Variants in FANCI observed in about 807,000 individuals in gnomAD.
The protein encoded by FANCI is Fanconi anemia group I protein.
Under a neutral mutation model 176.1 loss-of-function variants are expected in FANCI, and 156 were observed. The ratio of observed to expected loss-of-function variants is 0.89; its 90% CI spans 0.78 to 1.01. FANCI has a LOEUF of 1.01. Ranked by LOEUF, FANCI falls within the 50% of genes least tolerant of loss-of-function variation. FANCI has a pLI of 0.00. For synonymous variants in FANCI, 613 were observed against 541.7 expected, an observed-to-expected ratio of 1.13 and a Z score of -1.83; for missense variants, 1,678 against 1,534.1, an observed-to-expected ratio of 1.09 and a Z score of -1.57.
chr15:89,293,708 A>C (rs1035705442), intron 22 of FANCI, 125 bp from the exon 23 acceptor site: 2 of 983,704 alleles, frequency 2.0e-6, no homozygotes, highest in East Asian at 2.4e-5. Flanking sequence ...ATGAAGTTCT[A>C]TTCATTTATA....
chr15:89,291,529 A>C (rs948615495), intron 19 of FANCI, 84 bp from the exon 20 acceptor site: 4 of 1,089,382 alleles, frequency 3.7e-6, no homozygotes, highest in South Asian at 2.5e-5. Context: ...GGCATTAGAC[A>C]TTAAAGATAC....
chr15:89,246,643 T>A (rs2051986160), intron 1 of FANCI, among the ~76,000 whole-genome samples: 1 of 152,158 alleles, frequency 6.6e-6, no homozygotes, highest in African/African-American at 2.4e-5. Context: ...GGACTACCTA[T>A]ATTTAATCTC....
At chr15:89,307,720 C>A in intron 34 of FANCI, 48 bp downstream of exon 34, 1 of 1,614,040 alleles carries the variant, frequency 6.2e-7, no homozygotes, top group Non-Finnish European at 8.5e-7. Context: ...GAAAGGATTT[C>A]TTACATGCCC....
rs140546710 is a variant in FANCI at position 89,271,132 on chromosome 15, G to C, written c.883-2245G>C. Among the ~76,000 whole-genome samples, 382 of 151,980 alleles carry C rather than the reference G, an allele frequency of 2.5e-3. 1 individual carries two copies. The highest frequency in any genetic ancestry group is 3.2e-3 in the Non-Finnish European group (216 of 67,974). ...TTTACTAGTATCTTTTCTAGGCCTT[G>C]AAAATGTATTCTTTAAACTTTTTGA... is the stretch of plus-strand genomic sequence containing the variant. On this transcript the variant is annotated intron_variant, in intron 10 of 37. Coordinates refer to ENST00000310775, the MANE Select transcript of FANCI (RefSeq NM_001113378.2).
chr15:89,265,830 T>C (rs752616509), intron 9 of FANCI, among the ~76,000 whole-genome samples: 4 of 152,144 alleles, frequency 2.6e-5, no homozygotes, highest in African/African-American at 4.8e-5. Flanking sequence ...CCGGATTTTT[T>C]GTTTTTTAAG....
intron 2 of FANCI, among the ~76,000 whole-genome samples, chr15:89,250,552 A>G (rs4592629): frequency 0.49 from 61,748 of 126,706 alleles, 15,154 homozygotes; most frequent in African/African-American, 0.64. Context: ...TTGTGGAGTG[A>G]GGGGAGGGGG....
In FANCI at chr15:89,246,467, C is replaced by T. The variant is rs1323801470; in HGVS notation, c.-19-1162C>T. Among the ~76,000 whole-genome samples, 5 of 152,132 alleles carry T rather than the reference C, an allele frequency of 3.3e-5. No individual in the cohort carries two copies. In the South Asian group the frequency reaches 1.0e-3, roughly 31 times the overall value. On this transcript the variant is annotated intron_variant, in intron 1 of 37. Transcript: ENST00000310775. The stretch of plus-strand genomic sequence containing the variant: ...ACGAAATAGAATCTAAATTCCTTAA[C>T]CTGTTTACTTCCAGCCTATCTTTCC...
At chr15:89,246,444 G>A (rs776743250) in intron 1 of FANCI, among the ~76,000 whole-genome samples, 4 of 152,258 alleles carry the variant, frequency 2.6e-5, no homozygotes, top group Middle Eastern at 3.4e-3. Context: ...AGTAATTTAC[G>A]AAATAGAATC....
chr15:89,245,593 A>T (rs543064797), intron 1 of FANCI, among the ~76,000 whole-genome samples: 1 of 151,916 alleles, frequency 6.6e-6, no homozygotes, highest in Non-Finnish European at 1.5e-5. Context: ...TGGAAGCAGG[A>T]ATATTTATTT....
At chr15:89,286,955 G>C (rs1035330513) in intron 18 of FANCI, among the ~76,000 whole-genome samples, 1 of 141,402 alleles carries the variant, frequency 7.1e-6, no homozygotes, top group Non-Finnish European at 1.5e-5. Flanking sequence ...TTCTCCATCA[G>C]CATTTGCTGC....
rs766158703 is a variant in FANCI at position 89,261,633 on chromosome 15, A to C, written c.337A>C (p.Ile113Leu). Reference sequence around the variant, plus strand: ...ATTGGTTGAATTAGCCAATGAGTTTATTAGTGCTGTCAGAGAAGGCAGCCT... The same window carrying C: ...ATTGGTTGAATTAGCCAATGAGTTTCTTAGTGCTGTCAGAGAAGGCAGCCT... ...PLLVELANEFISAVREGSLVN... is the reference protein window; with the variant it reads ...PLLVELANEFLSAVREGSLVN... The change falls in exon 5 of 38, where the codon ATT becomes CTT. Residue 113 changes from isoleucine (I) to leucine (L), a missense_variant. Physicochemically the swap from Ile to Leu is conservative, Grantham distance 5. Coordinates refer to ENST00000310775, the MANE Select transcript of FANCI (RefSeq NM_001113378.2). 1 of 1,614,190 alleles carries C rather than the reference A, an allele frequency of 6.2e-7. No individual in the cohort carries two copies. Among genetic ancestry groups the C allele is most frequent in the South Asian group, 1.1e-5 (1 of 91,084 alleles).
At chr15:89,279,163 T>C (rs28648548) in intron 14 of FANCI, among the ~76,000 whole-genome samples, 7,601 of 152,064 alleles carry the variant, frequency 0.05, 602 homozygotes, top group African/African-American at 0.17. Context: ...GTTGTTGTTG[T>C]TGTTGTTGTT....
At chr15:89,250,406 A>C (rs765869696) in intron 2 of FANCI, among the ~76,000 whole-genome samples, 1 of 152,190 alleles carries the variant, frequency 6.6e-6, no homozygotes, top group Non-Finnish European at 1.5e-5. Context: ...GACATGGATG[A>C]AGCTGGAAGC....
chr15:89,287,759 CAG>C (rs2053877148), intron 18 of FANCI, among the ~76,000 whole-genome samples: 1 of 152,108 alleles, frequency 6.6e-6, no homozygotes. Context: ...TGTTTTGTCT[CAG>C]TGAATAGGGA....
Position 89,295,111 on chromosome 15 carries a change from C to T in FANCI, c.2636+17C>T. The stretch of plus-strand genomic sequence containing the variant: ...CATAACTCGGTAAGCCACTCCCACC[C>T]CTTAGAAACTTATTCCACTTGGCTG... On this transcript the variant is annotated intron_variant, in intron 24 of 37. Coordinates refer to ENST00000310775, the MANE Select transcript of FANCI (RefSeq NM_001113378.2). 3.2e-6 allele frequency: 5 copies of T among 1,548,612 alleles called. No homozygotes were observed. Among genetic ancestry groups the T allele is most frequent in the Non-Finnish European group, 4.4e-6 (5 of 1,146,256 alleles).
At chr15:89,281,927 C>T in intron 16 of FANCI, 92 bp downstream of exon 16, 1 of 1,170,318 alleles carries the variant, frequency 8.5e-7, no homozygotes, top group Non-Finnish European at 1.3e-6. Context: ...CACCTGTTCA[C>T]AGTGATCATG....
intron 11 of FANCI, 91 bp from the exon 12 acceptor site, chr15:89,274,074 ATAT>A: frequency 1.0e-6 from 1 of 965,806 alleles, no homozygotes; most frequent in South Asian, 1.6e-5. Context: ...GAGCTATATA[ATAT>A]TTGCTTTATT....
rs771090606 is a variant in FANCI, at chr15:89,290,281, G to GGTAAAAAT, written c.1890+6_1890+7insATGTAAAA. On this transcript the variant is annotated frameshift_variant and splice_region_variant. Transcript: ENST00000310775. LOFTEE classifies it high-confidence loss of function. ...CAGTCATGCAAACTCTGCTCTCACA[G>GGTAAAAAT]GTAAAATACATTTTTATGGATATAT... 6.8e-6 allele frequency: 11 copies of GGTAAAAAT among 1,610,930 alleles called. No individual in the cohort carries two copies. In the South Asian group the frequency reaches 1.2e-4, roughly 18 times the overall value.
At position 89,305,539 on chromosome 15, in the gene FANCI, CCA is replaced by C. The variant is rs527573772; in HGVS notation, c.3256-63_3256-62del. The C allele has an allele frequency of 5.1e-4, 818 of 1,601,950 alleles. 10 individuals are homozygous for C. The South Asian group carries it at 8.5e-3, about 17-fold the overall frequency. On this transcript the variant is annotated intron_variant, in intron 30 of 37. Transcript: ENST00000310775. ...AACCCACCTGTAGGTGGCCAGGTGACCACAGTTATTATATTACCCCCACAGCT... is the reference window on the plus strand; with the variant it reads ...AACCCACCTGTAGGTGGCCAGGTGACCAGTTATTATATTACCCCCACAGCT...
Sources: gnomAD v4.1 joint callset for allele counts (sites outside exome capture counted in the v4.1 genomes callset) on GRCh38, gnomAD v4.1.1 for gene constraint, MANE v1.5 for transcripts, NCBI Gene and HGNC (gene_info 2026-07-23, HGNC 2026-07-21) for gene names.